Variants in MAML2 observed in about 807,000 individuals in gnomAD.
MAML2 encodes mastermind-like protein 2.
MAML2 carries 22 observed loss-of-function variants against 96.1 expected under a neutral mutation model. The observed-to-expected ratio is 0.23, with a 90% CI of 0.16 to 0.33. The LOEUF (loss-of-function observed/expected upper bound fraction) is 0.33, where lower values mean the gene tolerates loss of function less well. Among genes scored for constraint, MAML2 ranks in the 10% least tolerant of loss-of-function variants. The pLI, the probability that MAML2 is intolerant of heterozygous loss-of-function variation, is 1.00. For synonymous variants in MAML2, 561 were observed against 521.3 expected (o/e 1.08, Z -1.04); for missense variants, 1,367 against 1,392.4 (o/e 0.98, Z 0.29).
chr11:96,066,838 A>G (rs1799670763), intron 2 of MAML2, among the ~76,000 whole-genome samples: 1 of 152,228 alleles, frequency 6.6e-6, no homozygotes, highest in Non-Finnish European at 1.5e-5. Flanking sequence ...TATGGAGACA[A>G]ATAAACCCAG....
rs368881218 is a variant in MAML2, at chr11:96,305,431, G to T, written c.513+35952C>A. Among the ~76,000 whole-genome samples, 16 of 152,130 alleles carry T rather than the reference G, an allele frequency of 1.1e-4. 1 individual carries two copies. Among genetic ancestry groups the T allele is most frequent in the South Asian group, 6.2e-4 (3 of 4,824 alleles). On this transcript the variant is annotated intron_variant, in intron 1 of 4. Coordinates refer to ENST00000524717, the MANE Select transcript of MAML2 (RefSeq NM_032427.4). ...CTGGTGGAGGATGGTGATAATGGGG[G>T]TGACTATGCATGGATAGGGAACTGG... is the stretch of plus-strand genomic sequence containing the variant.
At chr11:96,235,892 T>C (rs1440480780) in intron 1 of MAML2, among the ~76,000 whole-genome samples, 1 of 152,228 alleles carries the variant, frequency 6.6e-6, no homozygotes, top group African/African-American at 2.4e-5. Flanking sequence ...GAGAGAACTA[T>C]AAACAGCAGT....
intron 1 of MAML2, among the ~76,000 whole-genome samples, chr11:96,160,049 ATC>A (rs1861080107): frequency 6.6e-6 from 1 of 152,204 alleles, no homozygotes; most frequent in Non-Finnish European, 1.5e-5. Flanking sequence ...TAAGTTTTGT[ATC>A]TCTCTTGCCT....
At chr11:96,328,031 G>C (rs1262021761) in intron 1 of MAML2, among the ~76,000 whole-genome samples, 1 of 152,020 alleles carries the variant, frequency 6.6e-6, no homozygotes, top group Non-Finnish European at 1.5e-5. Context: ...GGGGGGTGGA[G>C]GTTACAGTGA....
intron 1 of MAML2, among the ~76,000 whole-genome samples, chr11:96,149,149 C>G (rs959908223): frequency 6.6e-6 from 1 of 152,078 alleles, no homozygotes; most frequent in African/African-American, 2.4e-5. Context: ...TGTGGTGGCT[C>G]ACACCTGTAA....
intron 1 of MAML2, among the ~76,000 whole-genome samples, chr11:96,287,671 T>C (rs1591114988): frequency 1.3e-5 from 2 of 152,228 alleles, no homozygotes; most frequent in African/African-American, 4.8e-5. Flanking sequence ...TAGCGTTAAG[T>C]AGATTGTTCT....
At chr11:96,155,520 A>ATATATG (rs1390594264) in intron 1 of MAML2, among the ~76,000 whole-genome samples, 1 of 50,566 alleles carries the variant, frequency 2.0e-5, no homozygotes, top group Non-Finnish European at 4.1e-5. Context: ...ATATATATAT[A>ATATATG]TATATATATA....
At chr11:96,155,085 T>G (rs1860989401) in intron 1 of MAML2, among the ~76,000 whole-genome samples, 1 of 152,218 alleles carries the variant, frequency 6.6e-6, no homozygotes, top group African/African-American at 2.4e-5. Context: ...TAGATGCCTA[T>G]GACTGGGTAA....
At chr11:96,061,497 G>A (rs1271206732) in intron 2 of MAML2, among the ~76,000 whole-genome samples, 2 of 152,062 alleles carry the variant, frequency 1.3e-5, no homozygotes, top group Non-Finnish European at 2.9e-5. Flanking sequence ...AGATAAATAC[G>A]GTTCCCTGTT....
chr11:96,155,011 T>G (rs1461047029), intron 1 of MAML2, among the ~76,000 whole-genome samples: 1 of 152,018 alleles, frequency 6.6e-6, no homozygotes, highest in African/African-American at 2.4e-5. Flanking sequence ...TCCCAGGGAG[T>G]GCCTGCTGGC....
chr11:96,279,851 C>G (rs1285231188), intron 1 of MAML2, among the ~76,000 whole-genome samples: 1 of 152,108 alleles, frequency 6.6e-6, no homozygotes, highest in Non-Finnish European at 1.5e-5. Context: ...GTCTGTGTCC[C>G]TGGATGAACT....
At chr11:96,306,521 A>T (rs1477158313) in intron 1 of MAML2, among the ~76,000 whole-genome samples, 1 of 152,182 alleles carries the variant, frequency 6.6e-6, no homozygotes, top group Admixed American at 6.5e-5. Context: ...TTTTCATAAA[A>T]CCTCAAAGAA....
At chr11:96,218,274 A>G (rs1862078783) in intron 1 of MAML2, among the ~76,000 whole-genome samples, 1 of 152,096 alleles carries the variant, frequency 6.6e-6, no homozygotes, top group South Asian at 2.1e-4. Flanking sequence ...TTTGACTCCA[A>G]CTCCAAAAAC....
chr11:96,339,806 T>C (rs1031722962), intron 1 of MAML2, among the ~76,000 whole-genome samples: 1 of 152,142 alleles, frequency 6.6e-6, no homozygotes, highest in African/African-American at 2.4e-5. Context: ...TTTACCCCCC[T>C]CCTTTACCCT....
chr11:95,979,639 G>A lies in MAML2; in HGVS notation c.2780C>T (p.Ala927Val), dbSNP rs753054791. 3.7e-6 allele frequency: 6 copies of A among 1,613,960 alleles called. No individual in the cohort carries two copies. The Middle Eastern group carries it at 6.6e-4, about 177-fold the overall frequency. The change falls in exon 5 of 5, where the codon GCT (alanine) becomes GTT (valine). Residue 927 changes from alanine (A) to valine (V), a missense_variant. Physicochemically the swap from Ala to Val is moderately conservative, Grantham distance 64. Coordinates refer to ENST00000524717, the MANE Select transcript of MAML2 (RefSeq NM_032427.4). ...TTGTTGTGAATTACCAACAGATCCA[G>A]CTCCAAAAGTGGCTACATTGTTATT... ...SNNNNVATFG[A>V]GSVGNSQQLR...
Position 96,093,016 on chromosome 11 carries a change from G to A in MAML2, c.1015C>T (p.Pro339Ser), listed in dbSNP as rs776433075. 4 of 1,613,872 alleles carry A rather than the reference G, an allele frequency of 2.5e-6. No individual in the cohort carries two copies. The Admixed American group carries it at 6.7e-5, about 27-fold the overall frequency. Reference sequence around the variant, plus strand: ...TGCTGACCCAAGTCAATGTTAAATGGGTCATCCTGCTTTATGGTGGCATTG... The same window carrying A: ...TGCTGACCCAAGTCAATGTTAAATGAGTCATCCTGCTTTATGGTGGCATTG... ...MINATIKQDDPFNIDLGQQSQ... is the reference protein window; with the variant it reads ...MINATIKQDDSFNIDLGQQSQ... The change falls in exon 2 of 5, where the codon CCA becomes TCA. Residue 339 changes from proline (P) to serine (S), a missense_variant. Transcript: ENST00000524717.
At chr11:96,116,070 T>C (rs1860233382) in intron 1 of MAML2, among the ~76,000 whole-genome samples, 1 of 152,170 alleles carries the variant, frequency 6.6e-6, no homozygotes, top group Non-Finnish European at 1.5e-5. Flanking sequence ...AGGTATCTAC[T>C]GGGATTCTAA....
At chr11:96,227,832 T>C (rs1423653251) in intron 1 of MAML2, among the ~76,000 whole-genome samples, 1 of 152,214 alleles carries the variant, frequency 6.6e-6, no homozygotes, top group East Asian at 1.9e-4. Flanking sequence ...CCAGGTGCAG[T>C]GGCTCATGCC....
At chr11:95,986,931 C>T (rs907964979) in intron 3 of MAML2, among the ~76,000 whole-genome samples, 3 of 152,138 alleles carry the variant, frequency 2.0e-5, no homozygotes, top group African/African-American at 7.2e-5. Context: ...TGTCAATATC[C>T]TCAGTCAAAG....
Sources: gnomAD v4.1 joint callset for allele counts (sites outside exome capture counted in the v4.1 genomes callset) on GRCh38, gnomAD v4.1.1 for gene constraint, MANE v1.5 for transcripts, NCBI Gene and HGNC (gene_info 2026-07-23, HGNC 2026-07-21) for gene names.